PALLD: variants seen among roughly 807,000 people sequenced by gnomAD.
The protein encoded by PALLD is palladin, cytoskeletal associated protein.
In PALLD, 61 loss-of-function variants were observed where a neutral mutation model predicts 123.5. The observed-to-expected ratio is 0.49, with a 90% CI of 0.40 to 0.61. The LOEUF (loss-of-function observed/expected upper bound fraction) is 0.61, where lower values mean the gene tolerates loss of function less well. Ranked by LOEUF, PALLD falls within the 20% of genes least tolerant of loss-of-function variation. The probability of loss-of-function intolerance (pLI) is 0.00; values close to 1 mark genes in which losing one functional copy is unlikely to be tolerated. For missense variants in PALLD, 1,273 were observed against 1,377.0 expected (o/e 0.92, Z 1.20); for synonymous variants, 465 against 496.4 (o/e 0.94, Z 0.84).
intron 10 of PALLD, among the ~76,000 whole-genome samples, chr4:168,776,934 A>G (rs528180040): frequency 2.0e-5 from 3 of 152,250 alleles, no homozygotes; most frequent in Non-Finnish European, 2.9e-5. Flanking sequence ...TGGGATCCCA[A>G]TCTGGCTTGT....
chr4:168,679,778 T>C (rs1781360184), intron 3 of PALLD, among the ~76,000 whole-genome samples: 1 of 152,026 alleles, frequency 6.6e-6, no homozygotes, highest in South Asian at 2.1e-4. Flanking sequence ...AATCATCTCA[T>C]TTTTAACAGG....
intron 10 of PALLD, among the ~76,000 whole-genome samples, chr4:168,761,330 ACT>A (rs1177657679): frequency 2.0e-5 from 3 of 151,816 alleles, no homozygotes; most frequent in Non-Finnish European, 4.4e-5. Flanking sequence ...CTGTAGGGCT[ACT>A]CTGGAGTCTC....
At chr4:168,832,969 G>A (rs1026977405) in intron 10 of PALLD, 2 of 152,230 alleles carry the variant, frequency 1.3e-5, no homozygotes, top group Non-Finnish European at 2.9e-5. Context: ...GTGGGTTCCC[G>A]GCCACGGCCG....
At chr4:168,816,389 G>GTATA (rs34216824) in intron 10 of PALLD, among the ~76,000 whole-genome samples, 4,205 of 138,944 alleles carry the variant, frequency 0.03, 88 homozygotes, top group Non-Finnish European at 0.04. Context: ...GTGTATGTGT[G>GTATA]TATATATATA....
intron 2 of PALLD, among the ~76,000 whole-genome samples, chr4:168,612,151 C>T (rs536284612): frequency 6.6e-6 from 1 of 151,688 alleles, no homozygotes; most frequent in Non-Finnish European, 1.5e-5. Flanking sequence ...CGAAGTGAGA[C>T]CCTGTCTCAA....
At chr4:168,781,512 C>T (rs938650480) in intron 10 of PALLD, among the ~76,000 whole-genome samples, 3 of 152,142 alleles carry the variant, frequency 2.0e-5, no homozygotes, top group East Asian at 1.9e-4. Flanking sequence ...GGAAGCCTGT[C>T]GCAGCACAGC....
intron 10 of PALLD, among the ~76,000 whole-genome samples, chr4:168,817,381 T>C (rs1198689093): frequency 6.6e-6 from 1 of 152,212 alleles, no homozygotes; most frequent in African/African-American, 2.4e-5. Context: ...TTTTCAGACA[T>C]GTCCTGAACA....
intron 10 of PALLD, among the ~76,000 whole-genome samples, chr4:168,719,503 G>T (rs969574952): frequency 6.6e-6 from 1 of 151,972 alleles, no homozygotes; most frequent in South Asian, 2.1e-4. Flanking sequence ...CAGGTGATCT[G>T]CCCGCCTTGG....
intron 2 of PALLD, among the ~76,000 whole-genome samples, chr4:168,574,965 T>A (rs1769398046): frequency 6.6e-6 from 1 of 152,152 alleles, no homozygotes; most frequent in Non-Finnish European, 1.5e-5. Flanking sequence ...ATGTCCTGTC[T>A]TTTCCCAATT....
At chr4:168,764,308 G>C (rs60983070) in intron 10 of PALLD, among the ~76,000 whole-genome samples, 1 of 151,926 alleles carries the variant, frequency 6.6e-6, no homozygotes, top group African/African-American at 2.4e-5. Context: ...TATAAGTAAT[G>C]TATTTCTATA....
chr4:168,636,743 A>G (rs927995315), intron 2 of PALLD, among the ~76,000 whole-genome samples: 6 of 152,212 alleles, frequency 3.9e-5, no homozygotes, highest in Non-Finnish European at 7.3e-5. Flanking sequence ...CTATTTTGAA[A>G]AGAAAATATC....
intron 2 of PALLD, among the ~76,000 whole-genome samples, chr4:168,662,539 G>A (rs974039531): frequency 1.2e-4 from 18 of 152,206 alleles, no homozygotes; most frequent in African/African-American, 4.3e-4. Flanking sequence ...GGAAGAAGGG[G>A]GATAGTGTCC....
intron 10 of PALLD, among the ~76,000 whole-genome samples, chr4:168,796,934 C>T (rs1025646240): frequency 6.6e-6 from 1 of 152,176 alleles, no homozygotes. Flanking sequence ...CTAGTGAATA[C>T]AGTTACCCTG....
At chr4:168,868,043 T>C (rs1750562840) in intron 10 of PALLD, among the ~76,000 whole-genome samples, 1 of 152,146 alleles carries the variant, frequency 6.6e-6, no homozygotes. Flanking sequence ...CTGCTTTTTA[T>C]GTACTGGCTT....
At chr4:168,644,715 G>A (rs1777275253) in intron 2 of PALLD, among the ~76,000 whole-genome samples, 1 of 152,298 alleles carries the variant, frequency 6.6e-6, no homozygotes, top group African/African-American at 2.4e-5. Flanking sequence ...CATCTCCTCT[G>A]TACCTGTGTT....
chr4:168,601,715 C>T (rs1018450369), intron 2 of PALLD, among the ~76,000 whole-genome samples: 3 of 152,166 alleles, frequency 2.0e-5, no homozygotes, highest in African/African-American at 7.2e-5. Context: ...TCAAAGAAAG[C>T]AAAATCTCAG....
At chr4:168,548,216 G>A (rs1266324151) in intron 2 of PALLD, among the ~76,000 whole-genome samples, 4 of 151,974 alleles carry the variant, frequency 2.6e-5, no homozygotes, top group Non-Finnish European at 1.5e-5. Context: ...GATTGAAGGG[G>A]AGAGTTCAGT....
At chr4:168,853,556 G>T (rs1748116890) in intron 10 of PALLD, among the ~76,000 whole-genome samples, 1 of 152,294 alleles carries the variant, frequency 6.6e-6, no homozygotes, top group Admixed American at 6.5e-5. Context: ...TGAGGAAAGA[G>T]CCTCAGGAAG....
intron 10 of PALLD, chr4:168,878,259 C>A (rs1173076751): frequency 6.6e-7 from 1 of 1,525,584 alleles, no homozygotes; most frequent in East Asian, 2.5e-5. Flanking sequence ...CCGGGACAGG[C>A]GTCCCACTGC....
Sources: allele counts gnomAD v4.1 joint callset (sites outside exome capture counted in the v4.1 genomes callset), GRCh38; gene constraint gnomAD v4.1.1; transcripts MANE v1.5; gene names NCBI Gene and HGNC (gene_info 2026-07-23, HGNC 2026-07-21).